The following BABAM2 variants were observed in gnomAD, a reference collection of about 807,000 sequenced individuals.
BABAM2 encodes BRISC and BRCA1 A complex member 2.
Under a neutral mutation model 54.7 loss-of-function variants are expected in BABAM2, and 31 were observed. The observed-to-expected ratio is 0.57, with a 90% CI of 0.43 to 0.77. The LOEUF is 0.77. Among genes scored for constraint, BABAM2 ranks in the 30% least tolerant of loss-of-function variants. The probability of loss-of-function intolerance (pLI) is 0.00; values close to 1 mark genes in which losing one functional copy is unlikely to be tolerated. For synonymous variants in BABAM2, 167 were observed against 162.9 expected (o/e 1.03, Z -0.19); for missense variants, 364 against 455.8 (o/e 0.80, Z 1.83).
chr2:27,955,869 T>C (rs1484158086), intron 3 of BABAM2, among the ~76,000 whole-genome samples: 1 of 152,194 alleles, frequency 6.6e-6, no homozygotes, highest in East Asian at 1.9e-4. Context: ...AAAAGTATCG[T>C]TTTAGTGTTT....
At chr2:27,957,504 A>C (rs1288935841) in intron 3 of BABAM2, among the ~76,000 whole-genome samples, 1 of 152,070 alleles carries the variant, frequency 6.6e-6, no homozygotes. Context: ...CTACCCTCTA[A>C]GTTTTGCTTC....
At chr2:28,029,239 A>G (rs1676121143) in intron 5 of BABAM2, among the ~76,000 whole-genome samples, 1 of 152,206 alleles carries the variant, frequency 6.6e-6, no homozygotes, top group Non-Finnish European at 1.5e-5. Flanking sequence ...ACATAACACT[A>G]CATTTGCCGT....
chr2:28,334,302 C>T (rs921864786), intron 11 of BABAM2, among the ~76,000 whole-genome samples: 4 of 152,376 alleles, frequency 2.6e-5, no homozygotes, highest in East Asian at 1.9e-4. Context: ...AGGCTTGCCT[C>T]GGGACCCAGT....
chr2:28,114,268 A>G (rs912068637), intron 6 of BABAM2, among the ~76,000 whole-genome samples: 2 of 152,204 alleles, frequency 1.3e-5, no homozygotes, highest in Admixed American at 6.5e-5. Flanking sequence ...GATATTTAGA[A>G]AACCCATCGT....
intron 10 of BABAM2, among the ~76,000 whole-genome samples, chr2:28,267,995 A>T (rs1013061189): frequency 1.3e-5 from 2 of 152,242 alleles, no homozygotes; most frequent in African/African-American, 2.4e-5. Flanking sequence ...TGAAAATGAC[A>T]AACTGTATCT....
chr2:27,931,747 T>C (rs1408292646), intron 3 of BABAM2, among the ~76,000 whole-genome samples: 1 of 152,190 alleles, frequency 6.6e-6, no homozygotes, highest in Non-Finnish European at 1.5e-5. Flanking sequence ...TAAGCAAGAA[T>C]GGTGAATACT....
intron 7 of BABAM2, among the ~76,000 whole-genome samples, chr2:28,141,350 A>G (rs943192254): frequency 6.6e-5 from 10 of 152,228 alleles, no homozygotes; most frequent in African/African-American, 1.9e-4. Flanking sequence ...AACATTTGTT[A>G]TAAAGGATAT....
chr2:28,302,326 AG>A, intron 11 of BABAM2, among the ~76,000 whole-genome samples: 1 of 152,022 alleles, frequency 6.6e-6, no homozygotes, highest in African/African-American at 2.4e-5. Context: ...CTGAGGCAGG[AG>A]AATCTGTTGA....
intron 6 of BABAM2, among the ~76,000 whole-genome samples, chr2:28,128,091 C>T (rs1024195978): frequency 2.0e-5 from 3 of 152,112 alleles, no homozygotes; most frequent in Admixed American, 6.6e-5. Context: ...GGATTACAGG[C>T]ATGAGCCACC....
intron 6 of BABAM2, among the ~76,000 whole-genome samples, chr2:28,101,663 T>TA (rs887922341): frequency 6.6e-6 from 1 of 152,234 alleles, no homozygotes; most frequent in African/African-American, 2.4e-5. Context: ...TGTTGATTTT[T>TA]ATCTCACCCT....
At chr2:28,292,233 T>C (rs1347480902) in intron 10 of BABAM2, among the ~76,000 whole-genome samples, 2 of 152,226 alleles carry the variant, frequency 1.3e-5, no homozygotes, top group Non-Finnish European at 2.9e-5. Flanking sequence ...AAATATTTGA[T>C]GATGTGACTC....
intron 7 of BABAM2, among the ~76,000 whole-genome samples, chr2:28,199,153 C>T (rs1020199253): frequency 2.6e-5 from 4 of 152,162 alleles, no homozygotes; most frequent in African/African-American, 7.2e-5. Context: ...GGGTCAGCAT[C>T]GAGGGCAAAC....
chr2:28,219,026 C>T (rs1303226742), intron 7 of BABAM2, among the ~76,000 whole-genome samples: 2 of 152,200 alleles, frequency 1.3e-5, no homozygotes, highest in Admixed American at 6.5e-5. Flanking sequence ...GTTGCTGTAA[C>T]AAATTACCAC....
intron 10 of BABAM2, among the ~76,000 whole-genome samples, chr2:28,259,156 G>A (rs1279512932): frequency 9.4e-6 from 1 of 106,154 alleles, no homozygotes; most frequent in Non-Finnish European, 1.8e-5. Context: ...GGTGCGATCT[G>A]GGCTCACAGC....
chr2:27,944,717 G>A (rs2148392265), intron 3 of BABAM2, among the ~76,000 whole-genome samples: 1 of 152,048 alleles, frequency 6.6e-6, no homozygotes, highest in East Asian at 1.9e-4. Context: ...CTGGAGATGT[G>A]TTTTAATTTT....
At chr2:28,025,764 C>T (rs1675609543) in intron 5 of BABAM2, among the ~76,000 whole-genome samples, 1 of 152,156 alleles carries the variant, frequency 6.6e-6, no homozygotes, top group African/African-American at 2.4e-5. Flanking sequence ...ACAAGTTTCC[C>T]CCTCCTTTGA....
intron 11 of BABAM2, among the ~76,000 whole-genome samples, chr2:28,337,139 A>G (rs901457159): frequency 1.3e-5 from 2 of 152,002 alleles, no homozygotes; most frequent in African/African-American, 4.8e-5. Flanking sequence ...CTGGACACGT[A>G]AGGTGTCACT....
intron 6 of BABAM2, among the ~76,000 whole-genome samples, chr2:28,102,286 C>G (rs909456465): frequency 6.6e-6 from 1 of 152,220 alleles, no homozygotes; most frequent in African/African-American, 2.4e-5. Context: ...GAATTGGTTT[C>G]AGCTGTGCCG....
intron 7 of BABAM2, 62 bp from the exon 8 acceptor site, chr2:28,237,140 G>A (rs1006125023): frequency 7.1e-7 from 1 of 1,412,190 alleles, no homozygotes; most frequent in Admixed American, 1.7e-5. Flanking sequence ...CTGCTTGGGG[G>A]TGTCACTTCT....
Sources: gnomAD v4.1 joint callset for allele counts (sites outside exome capture counted in the v4.1 genomes callset) on GRCh38, gnomAD v4.1.1 for gene constraint, MANE v1.5 for transcripts, NCBI Gene and HGNC (gene_info 2026-07-23, HGNC 2026-07-21) for gene names.